Variants in CSGALNACT1 observed in about 807,000 individuals in gnomAD.
CSGALNACT1 encodes chondroitin sulfate N-acetylgalactosaminyltransferase 1.
CSGALNACT1 carries 52 observed loss-of-function variants against 51.0 expected under a neutral mutation model. The ratio of observed to expected loss-of-function variants is 1.02; its 90% CI spans 0.82 to 1.29. The LOEUF (loss-of-function observed/expected upper bound fraction) is 1.29, where lower values mean the gene tolerates loss of function less well. Ranked by LOEUF, CSGALNACT1 falls within the 50% of genes most tolerant of loss-of-function variation. CSGALNACT1 has a pLI of 0.00. For synonymous variants in CSGALNACT1, 341 were observed against 254.4 expected (o/e 1.34, Z -3.24); for missense variants, 935 against 679.2 (o/e 1.38, Z -4.19).
chr8:19,430,314 C>T (rs1372230519), intron 6 of CSGALNACT1, among the ~76,000 whole-genome samples: 1 of 152,168 alleles, frequency 6.6e-6, no homozygotes, highest in Admixed American at 6.5e-5. Flanking sequence ...TCTCTTAAAA[C>T]TTTGATAATT....
At chr8:19,476,877 T>G (rs2069816785) in intron 4 of CSGALNACT1, among the ~76,000 whole-genome samples, 1 of 152,178 alleles carries the variant, frequency 6.6e-6, no homozygotes, top group African/African-American at 2.4e-5. Context: ...CCTCAGCTGT[T>G]GACTCACTCC....
chr8:19,506,157 C>T, intron 3 of CSGALNACT1, 27 bp from the exon 3 acceptor site: 2 of 554,582 alleles, frequency 3.6e-6, no homozygotes, highest in Non-Finnish European at 6.9e-6. Flanking sequence ...ATGACATCAA[C>T]ACTTAATCAA....
At chr8:19,700,969 G>C (rs74707575) in intron 1 of CSGALNACT1, among the ~76,000 whole-genome samples, 3,069 of 152,070 alleles carry the variant, frequency 0.02, 106 homozygotes, top group African/African-American at 0.071. Context: ...AATGTCAGTG[G>C]AAGTCCTTAG....
chr8:19,696,628 G>A (rs1354959480), intron 1 of CSGALNACT1, among the ~76,000 whole-genome samples: 1 of 152,152 alleles, frequency 6.6e-6, no homozygotes, highest in Non-Finnish European at 1.5e-5. Context: ...CTAGCTGTGT[G>A]ACTCCGAGCA....
intron 9 of CSGALNACT1, among the ~76,000 whole-genome samples, chr8:19,407,474 T>C (rs935850188): frequency 1.3e-5 from 2 of 152,162 alleles, no homozygotes; most frequent in Non-Finnish European, 2.9e-5. Context: ...TCGGGACTGT[T>C]CATTCATACC....
chr8:19,595,846 A>AT (rs1294162333), intron 2 of CSGALNACT1, among the ~76,000 whole-genome samples: 1 of 141,564 alleles, frequency 7.1e-6, no homozygotes, highest in Non-Finnish European at 1.5e-5. Flanking sequence ...TCCCTTTCTC[A>AT]TTTTCAGTTA....
chr8:19,731,952 T>C (rs1283668451), intron 1 of CSGALNACT1, among the ~76,000 whole-genome samples: 1 of 152,238 alleles, frequency 6.6e-6, no homozygotes, highest in Non-Finnish European at 1.5e-5. Flanking sequence ...ATTTCAATTA[T>C]GTATGGCATT....
chr8:19,643,512 C>T (rs1451398796), intron 1 of CSGALNACT1, among the ~76,000 whole-genome samples: 2 of 152,038 alleles, frequency 1.3e-5, no homozygotes, highest in Non-Finnish European at 2.9e-5. Context: ...ATAGTGTGCA[C>T]CTGTAATCCC....
intron 1 of CSGALNACT1, among the ~76,000 whole-genome samples, chr8:19,668,890 C>T (rs11996403): frequency 0.015 from 2,221 of 152,212 alleles, 62 homozygotes; most frequent in African/African-American, 0.05. Context: ...GGATCAATCA[C>T]GTTGGATAAG....
intron 1 of CSGALNACT1, among the ~76,000 whole-genome samples, chr8:19,755,454 G>GAAAAAAAAAAAA (rs2065296940): frequency 3.6e-4 from 3 of 8,350 alleles, no homozygotes; most frequent in Non-Finnish European, 8.3e-4. Flanking sequence ...TGTAAAGAAA[G>GAAAAAAAAAAAA]ACAAAAAAAA....
exon 5 of CSGALNACT1, chr8:19,458,529 T>C (rs2064635451): frequency 6.2e-7 from 1 of 1,614,116 alleles, no homozygotes; most frequent in Non-Finnish European, 8.5e-7. Flanking sequence ...TTTTTCACTT[T>C]CATGATGGGG....
rs150141752 is a variant in CSGALNACT1, at chr8:19,520,806, G to A, written c.-296-14676C>T. On this transcript the variant is annotated intron_variant, in intron 3 of 9. Coordinates refer to ENST00000454498, the Ensembl canonical transcript of CSGALNACT1. Reference sequence around the variant, plus strand: ...TGATACCTCCTATGAGGTAGGTTCTGTTAATATTATAACCATTTTGCAGAC... The same window carrying A: ...TGATACCTCCTATGAGGTAGGTTCTATTAATATTATAACCATTTTGCAGAC... 4.4e-3 allele frequency among the ~76,000 whole-genome samples: 668 copies of A among 152,234 alleles called. 4 individuals carry two copies. The highest frequency in any genetic ancestry group is 0.015 in the African/African-American group (640 of 41,556).
chr8:19,515,799 G>C (rs902002078), intron 3 of CSGALNACT1, among the ~76,000 whole-genome samples: 3 of 152,096 alleles, frequency 2.0e-5, no homozygotes, highest in Non-Finnish European at 2.9e-5. Context: ...GTCTATGCCA[G>C]ACCGTCTAGT....
At chr8:19,521,536 A>C (rs1012996510) in intron 3 of CSGALNACT1, among the ~76,000 whole-genome samples, 3 of 152,128 alleles carry the variant, frequency 2.0e-5, no homozygotes, top group African/African-American at 7.2e-5. Context: ...CACAAAAATT[A>C]TCCAAGCTTG....
rs560583727 is a variant in CSGALNACT1 at position 19,609,116 on chromosome 8, G to A, written c.-543-7251C>T. On this transcript the variant is annotated intron_variant, in intron 1 of 9. Transcript: ENST00000332246. ...TTCACCATGAAAATGAAAACTTTGT[G>A]TAAATATTTATATAATTAAATTTAT... 5.3e-5 allele frequency among the ~76,000 whole-genome samples: 8 copies of A among 151,476 alleles called. No homozygotes were observed. In the South Asian group the frequency reaches 1.7e-3, roughly 32 times the overall value.
chr8:19,442,464 A>T (rs4535750), intron 5 of CSGALNACT1, among the ~76,000 whole-genome samples: 2 of 150,926 alleles, frequency 1.3e-5, no homozygotes, highest in African/African-American at 4.9e-5. Context: ...GCAAACTATC[A>T]TAAGGACAAA....
intron 8 of CSGALNACT1, among the ~76,000 whole-genome samples, chr8:19,415,554 T>C (rs1312088192): frequency 6.6e-6 from 1 of 152,198 alleles, no homozygotes; most frequent in Non-Finnish European, 1.5e-5. Context: ...ATTCTGAGGA[T>C]GTGAGAAACT....
At chr8:19,495,226 G>T (rs1198171078) in intron 4 of CSGALNACT1, 1 of 152,112 alleles carries the variant, frequency 6.6e-6, no homozygotes, top group Non-Finnish European at 1.5e-5. Flanking sequence ...TCTGACTTAC[G>T]GTGTAGAGAA....
At chr8:19,484,067 C>T (rs2072221236) in intron 4 of CSGALNACT1, among the ~76,000 whole-genome samples, 1 of 152,202 alleles carries the variant, frequency 6.6e-6, no homozygotes, top group Non-Finnish European at 1.5e-5. Flanking sequence ...ACAGCCCTCC[C>T]TCCACCCCAT....
Sources: gnomAD v4.1 joint callset for allele counts (sites outside exome capture counted in the v4.1 genomes callset) on GRCh38, gnomAD v4.1.1 for gene constraint, MANE v1.5 for transcripts, NCBI Gene and HGNC (gene_info 2026-07-23, HGNC 2026-07-21) for gene names.